SAMD12: variants seen among roughly 807,000 people sequenced by gnomAD.
SAMD12 encodes the protein sterile alpha motif domain containing 12.
SAMD12 carries 9 observed loss-of-function variants against 15.0 expected under a neutral mutation model. The ratio of observed to expected loss-of-function variants is 0.60; its 90% CI spans 0.36 to 1.05. The LOEUF is 1.05. Among genes scored for constraint, SAMD12 ranks in the 50% least tolerant of loss-of-function variants. The probability of loss-of-function intolerance (pLI) is 0.01; values close to 1 mark genes in which losing one functional copy is unlikely to be tolerated. For missense variants in SAMD12, 230 were observed against 234.2 expected (o/e 0.98, Z 0.12); for synonymous variants, 86 against 90.1 (o/e 0.96, Z 0.25).
At chr8:118,288,869 G>T (rs532531475) in intron 4 of SAMD12, among the ~76,000 whole-genome samples, 6 of 152,288 alleles carry the variant, frequency 3.9e-5, no homozygotes, top group Non-Finnish European at 8.8e-5. Flanking sequence ...ACATATATAT[G>T]ATGTCATTAT....
At chr8:118,585,498 C>T (rs995801754) in intron 1 of SAMD12, among the ~76,000 whole-genome samples, 1 of 152,200 alleles carries the variant, frequency 6.6e-6, no homozygotes, top group Non-Finnish European at 1.5e-5. Flanking sequence ...CCCACTCCCT[C>T]TCATTTTAAC....
At chr8:118,474,772 T>C (rs7834866) in intron 2 of SAMD12, among the ~76,000 whole-genome samples, 10 of 152,286 alleles carry the variant, frequency 6.6e-5, no homozygotes, top group African/African-American at 2.4e-4. Context: ...TTGCTGTAGT[T>C]TGGATATTTA....
At chr8:118,251,041 C>T (rs1183528355) in intron 4 of SAMD12, among the ~76,000 whole-genome samples, 1 of 152,068 alleles carries the variant, frequency 6.6e-6, no homozygotes, top group African/African-American at 2.4e-5. Flanking sequence ...AGGTAACTTG[C>T]CCAAGGTTGC....
chr8:118,150,021 C>T, the SAMD12 span, among the ~76,000 whole-genome samples: 1 of 152,180 alleles, frequency 6.6e-6, no homozygotes, highest in Non-Finnish European at 1.5e-5. Flanking sequence ...CCCTCCCTTC[C>T]CATCACCAGG....
the SAMD12 span, among the ~76,000 whole-genome samples, chr8:118,160,242 T>C: frequency 6.6e-6 from 1 of 152,216 alleles, no homozygotes; most frequent in African/African-American, 2.4e-5. Context: ...TTAAGCAGAC[T>C]TGAACAAATG....
chr8:118,416,338 T>G (rs1242451885), intron 3 of SAMD12, among the ~76,000 whole-genome samples: 1 of 152,212 alleles, frequency 6.6e-6, no homozygotes, highest in African/African-American at 2.4e-5. Context: ...GGGAAAGAAT[T>G]TAGGCTAACA....
At chr8:118,376,419 C>T (rs1457405963), downstream of SAMD12, among the ~76,000 whole-genome samples, 1 of 152,066 alleles carries the variant, frequency 6.6e-6, no homozygotes, top group Non-Finnish European at 1.5e-5. Context: ...AGCAGCCCCA[C>T]AGATATCCCA....
At chr8:118,182,776 G>T in the SAMD12 span, among the ~76,000 whole-genome samples, 2 of 152,068 alleles carry the variant, frequency 1.3e-5, no homozygotes, top group Non-Finnish European at 2.9e-5. Flanking sequence ...TTTTGAGAGC[G>T]ACAGCACAAA....
At position 118,364,354 on chromosome 8, in the gene SAMD12, G is replaced by C. The variant is rs1586604811; in HGVS notation, c.433+15206C>G. On this transcript the variant is annotated intron_variant, in intron 4 of 4. Coordinates refer to the SAMD12 transcript ENST00000409003. ...GTGGGCTACTTTCTTAGGTCTTGAA[G>C]ACATAACCTGCAAGTTTAGGTGATA... Among the ~76,000 whole-genome samples, 3 of 152,266 alleles carry C rather than the reference G, an allele frequency of 2.0e-5. No homozygotes were observed. In the South Asian group the frequency reaches 6.2e-4, roughly 32 times the overall value.
At chr8:118,386,963 T>C (rs1819995671) in intron 3 of SAMD12, among the ~76,000 whole-genome samples, 1 of 152,234 alleles carries the variant, frequency 6.6e-6, no homozygotes, top group Non-Finnish European at 1.5e-5. Context: ...GCCTCTTTTC[T>C]GCCAGAAATA....
intron 4 of SAMD12, among the ~76,000 whole-genome samples, chr8:118,231,359 T>C (rs1170431705): frequency 6.6e-6 from 1 of 152,134 alleles, no homozygotes; most frequent in East Asian, 1.9e-4. Flanking sequence ...AATAAAACCA[T>C]GGTTATGTTC....
chr8:118,199,159 G>A (rs539343102), intron 4 of SAMD12, among the ~76,000 whole-genome samples: 1 of 152,156 alleles, frequency 6.6e-6, no homozygotes, highest in South Asian at 2.1e-4. Context: ...TGAAAATGAA[G>A]GCCCTAGAAT....
At chr8:118,189,639 T>TA in exon 5 of SAMD12, 1 of 152,222 alleles carries the variant, frequency 6.6e-6, no homozygotes, top group Admixed American at 6.5e-5. Context: ...ATCCATTTTA[T>TA]AAGAGTCATG....
At chr8:118,452,705 T>C (rs370401494) in intron 2 of SAMD12, among the ~76,000 whole-genome samples, 1 of 152,198 alleles carries the variant, frequency 6.6e-6, no homozygotes, top group Non-Finnish European at 1.5e-5. Flanking sequence ...AAAGAAAGTA[T>C]GCACATGGTT....
At chr8:118,550,295 A>T (rs1288903449) in intron 2 of SAMD12, among the ~76,000 whole-genome samples, 2 of 152,252 alleles carry the variant, frequency 1.3e-5, no homozygotes, top group South Asian at 2.1e-4. Context: ...CGGGTTACCC[A>T]CAAAGGGAAG....
intron 3 of SAMD12, among the ~76,000 whole-genome samples, chr8:118,405,042 A>G (rs1412770055): frequency 1.3e-5 from 2 of 152,198 alleles, no homozygotes. Flanking sequence ...TAATTCATGA[A>G]TGGATTATTC....
At chr8:118,407,239 C>G (rs1037366668) in intron 3 of SAMD12, among the ~76,000 whole-genome samples, 1 of 152,016 alleles carries the variant, frequency 6.6e-6, no homozygotes, top group African/African-American at 2.4e-5. Flanking sequence ...TTTGAGGAAT[C>G]GCCTGTTGAT....
At chr8:118,238,004 T>C (rs567571410) in intron 4 of SAMD12, among the ~76,000 whole-genome samples, 3 of 152,224 alleles carry the variant, frequency 2.0e-5, no homozygotes, top group Admixed American at 1.3e-4. Flanking sequence ...GATTTGGTTA[T>C]TTGTCAAAAA....
intron 1 of SAMD12, among the ~76,000 whole-genome samples, chr8:118,613,885 G>T (rs543483823): frequency 1.3e-5 from 2 of 152,268 alleles, no homozygotes; most frequent in African/African-American, 4.8e-5. Context: ...GTAAATTTGT[G>T]GTAGAGAAAA....
Sources: gnomAD v4.1 joint callset for allele counts (sites outside exome capture counted in the v4.1 genomes callset) on GRCh38, gnomAD v4.1.1 for gene constraint, MANE v1.5 for transcripts, NCBI Gene and HGNC (gene_info 2026-07-23, HGNC 2026-07-21) for gene names.